RGS22: variants seen among roughly 807,000 people sequenced by gnomAD.
The protein encoded by RGS22 is regulator of G protein signaling 22, also known as regulator of G-protein signaling 22.
RGS22 carries 148 observed loss-of-function variants against 172.9 expected under a neutral mutation model. That is an observed-to-expected ratio of 0.86 (90% CI 0.75 to 0.98). RGS22 has a LOEUF of 0.98. Among genes scored for constraint, RGS22 ranks in the 50% least tolerant of loss-of-function variants. The pLI, the probability that RGS22 is intolerant of heterozygous loss-of-function variation, is 0.00. For synonymous variants in RGS22, 458 were observed against 480.2 expected, an observed-to-expected ratio of 0.95 and a Z score of 0.60; for missense variants, 1,347 against 1,440.8, an observed-to-expected ratio of 0.93 and a Z score of 1.05.
intron 21 of RGS22, among the ~76,000 whole-genome samples, chr8:99,986,593 T>A (rs912249144): frequency 6.6e-6 from 1 of 152,340 alleles, no homozygotes; most frequent in East Asian, 1.9e-4. Context: ...CAACATAACA[T>A]GGAAAGTCCC....
chr8:100,065,809 A>G (rs1804127262), intron 7 of RGS22, among the ~76,000 whole-genome samples: 1 of 152,184 alleles, frequency 6.6e-6, no homozygotes, highest in Non-Finnish European at 1.5e-5. Flanking sequence ...ATAAACTGTG[A>G]TAAGAAATAA....
intron 11 of RGS22, among the ~76,000 whole-genome samples, chr8:100,045,113 CAA>C (rs560510319): frequency 2.1e-5 from 3 of 143,560 alleles, no homozygotes; most frequent in Admixed American, 7.0e-5. Context: ...CCCATCTCTA[CAA>C]AAAAAAAAAT....
chr8:100,098,268 G>C (rs75842996), intron 2 of RGS22, among the ~76,000 whole-genome samples: 2,394 of 152,092 alleles, frequency 0.016, 59 homozygotes, highest in African/African-American at 0.054. Flanking sequence ...CATTTTTACT[G>C]AATAATTGAA....
At chr8:100,056,450 G>C (rs1411330209) in intron 9 of RGS22, among the ~76,000 whole-genome samples, 1 of 152,188 alleles carries the variant, frequency 6.6e-6, no homozygotes, top group East Asian at 1.9e-4. Flanking sequence ...GCATGTCAGA[G>C]ACCTTCACGG....
intron 18 of RGS22, 138 bp downstream of exon 18, chr8:100,002,060 CTAAA>C (rs1815147351): frequency 3.8e-6 from 2 of 522,790 alleles, no homozygotes; most frequent in Non-Finnish European, 6.4e-6. Flanking sequence ...TCATAAATAC[CTAAA>C]TAAATATCAA....
intron 13 of RGS22, among the ~76,000 whole-genome samples, chr8:100,039,501 C>T (rs1033262873): frequency 2.0e-5 from 3 of 151,852 alleles, no homozygotes; most frequent in African/African-American, 7.3e-5. Flanking sequence ...CTCAGCCTCC[C>T]GAGTAGCTGG....
intron 7 of RGS22, among the ~76,000 whole-genome samples, chr8:100,065,348 C>T (rs1350119170): frequency 6.6e-6 from 1 of 152,164 alleles, no homozygotes; most frequent in Admixed American, 6.5e-5. Flanking sequence ...ATTTTTATCT[C>T]CAATTATATA....
At chr8:100,000,753 C>A (rs1814953620) in intron 18 of RGS22, among the ~76,000 whole-genome samples, 1 of 152,076 alleles carries the variant, frequency 6.6e-6, no homozygotes, top group African/African-American at 2.4e-5. Flanking sequence ...ATTGAGACAC[C>A]CAACCACTTT....
chr8:100,035,035 A>G (rs558887213), intron 14 of RGS22, among the ~76,000 whole-genome samples: 1 of 152,354 alleles, frequency 6.6e-6, no homozygotes, highest in Non-Finnish European at 1.5e-5. Flanking sequence ...ACCATTCAGG[A>G]CATAGGCATG....
At chr8:99,970,555 G>A (rs1325887480) in intron 23 of RGS22, among the ~76,000 whole-genome samples, 3 of 152,068 alleles carry the variant, frequency 2.0e-5, no homozygotes, top group Middle Eastern at 3.4e-3. Flanking sequence ...ATATCAGCAC[G>A]AATCCCACAG....
At position 100,022,754 on chromosome 8, in the gene RGS22, T is replaced by G. The variant is rs143945754; in HGVS notation, c.2167-14185A>C. 5.3e-5 allele frequency among the ~76,000 whole-genome samples: 8 copies of G among 152,146 alleles called. No homozygotes were observed. The East Asian group carries it at 1.5e-3, about 29-fold the overall frequency. Reference sequence around the variant, plus strand: ...AATTAAATTAATTAATTAATTTATTTATTTATTTTTAAATAGGGTCTCACT... The same window carrying G: ...AATTAAATTAATTAATTAATTTATTGATTTATTTTTAAATAGGGTCTCACT... On this transcript the variant is annotated intron_variant, in intron 14 of 27. Transcript: ENST00000360863.
At chr8:100,024,371 ACACT>A (rs200739979) in intron 14 of RGS22, among the ~76,000 whole-genome samples, 2,512 of 152,308 alleles carry the variant, frequency 0.016, 58 homozygotes, top group African/African-American at 0.056. Flanking sequence ...AAAAATAAAA[ACACT>A]CAGCTGGCTG....
chr8:99,997,518 T>C (rs773048095), intron 19 of RGS22, among the ~76,000 whole-genome samples: 11 of 152,226 alleles, frequency 7.2e-5, no homozygotes, highest in Non-Finnish European at 1.0e-4. Context: ...CCCAGCTGCA[T>C]TGTGTTTTCC....
intron 10 of RGS22, among the ~76,000 whole-genome samples, chr8:100,048,946 A>G (rs1821003844): frequency 1.3e-5 from 2 of 152,202 alleles, no homozygotes; most frequent in African/African-American, 4.8e-5. Flanking sequence ...TTGAACCCAT[A>G]CATATAAAAA....
chr8:100,061,857 T>C (rs538277904), intron 9 of RGS22, among the ~76,000 whole-genome samples: 14 of 152,328 alleles, frequency 9.2e-5, no homozygotes, highest in African/African-American at 1.9e-4. Context: ...TGTATGTTCA[T>C]TGCAGCACTA....
intron 9 of RGS22, among the ~76,000 whole-genome samples, chr8:100,060,694 C>T (rs1810062272): frequency 6.6e-6 from 1 of 151,912 alleles, no homozygotes; most frequent in Non-Finnish European, 1.5e-5. Flanking sequence ...GAAAAACATT[C>T]CATACTCATG....
chr8:100,058,026 G>A (rs115596613), intron 9 of RGS22, among the ~76,000 whole-genome samples: 84 of 152,238 alleles, frequency 5.5e-4, no homozygotes, highest in African/African-American at 1.9e-3. Flanking sequence ...TATTAAAATT[G>A]TTAAACAGAA....
chr8:100,096,758 C>T lies in RGS22; in HGVS notation c.55-3249G>A, dbSNP rs141145685. Reference sequence around the variant, plus strand: ...TCCTGGGCTCAAGCAATCCTCCCACCTAGACCTCCCGAAGTGCTGGGATTA... The same window carrying T: ...TCCTGGGCTCAAGCAATCCTCCCACTTAGACCTCCCGAAGTGCTGGGATTA... On this transcript the variant is annotated intron_variant, in intron 2 of 27. Transcript: ENST00000360863. 9.0e-4 allele frequency among the ~76,000 whole-genome samples: 136 copies of T among 151,382 alleles called. 2 individuals are homozygous for T. The East Asian group carries it at 0.024, about 27-fold the overall frequency.
intron 2 of RGS22, among the ~76,000 whole-genome samples, chr8:100,097,584 TGGA>T (rs960114146): frequency 3.9e-5 from 6 of 152,366 alleles, no homozygotes; most frequent in East Asian, 1.9e-4. Flanking sequence ...GTAAAATGTT[TGGA>T]GGAGGGCTTT....
Sources: gnomAD v4.1 joint callset for allele counts (sites outside exome capture counted in the v4.1 genomes callset) on GRCh38, gnomAD v4.1.1 for gene constraint, MANE v1.5 for transcripts, NCBI Gene and HGNC (gene_info 2026-07-23, HGNC 2026-07-21) for gene names.